The following NPFFR2 variants were observed in gnomAD, a reference collection of about 807,000 sequenced individuals.
NPFFR2 encodes G-protein coupled receptor 74.
A neutral mutation model predicts 13.1 loss-of-function variants in NPFFR2; 15 were observed. The ratio of observed to expected loss-of-function variants is 1.15; its 90% CI spans 0.77 to 1.76. The LOEUF (loss-of-function observed/expected upper bound fraction) is 1.76, where lower values mean the gene tolerates loss of function less well. Among genes scored for constraint, NPFFR2 ranks in the 40% most tolerant of loss-of-function variants. The pLI is 0.00. For synonymous variants in NPFFR2, 190 were observed against 175.7 expected (o/e 1.08, Z -0.65); for missense variants, 572 against 503.5 (o/e 1.14, Z -1.30).
At chr4:72,118,829 A>G (rs1240269883) in intron 1 of NPFFR2, among the ~76,000 whole-genome samples, 1 of 152,192 alleles carries the variant, frequency 6.6e-6, no homozygotes, top group Non-Finnish European at 1.5e-5. Flanking sequence ...ACAGTATAAA[A>G]TGGCATAACA....
At chr4:72,057,406 C>G (rs182496624) in intron 1 of NPFFR2, among the ~76,000 whole-genome samples, 86 of 152,064 alleles carry the variant, frequency 5.7e-4, no homozygotes, top group African/African-American at 2.0e-3. Flanking sequence ...GAAAGATCTC[C>G]GAGAAAATTC....
chr4:72,070,482 G>A (rs183104725), intron 1 of NPFFR2, among the ~76,000 whole-genome samples: 27 of 151,134 alleles, frequency 1.8e-4, no homozygotes, highest in Middle Eastern at 3.4e-3. Flanking sequence ...TCAATAATAC[G>A]GGTGGCATCA....
intron 1 of NPFFR2, among the ~76,000 whole-genome samples, chr4:72,058,899 C>A (rs10937999): frequency 0.89 from 135,587 of 152,046 alleles, 61,555 homozygotes; most frequent in Non-Finnish European, 0.98. Context: ...ACTCAAACTT[C>A]ATAGCTCTAG....
intron 1 of NPFFR2, among the ~76,000 whole-genome samples, chr4:72,066,836 C>T (rs1405065058): frequency 1.3e-5 from 2 of 152,150 alleles, no homozygotes; most frequent in Non-Finnish European, 2.9e-5. Context: ...ACTGAGTGTA[C>T]CCCAAGCAGC....
chr4:72,100,646 T>A (rs1479389399), intron 1 of NPFFR2, among the ~76,000 whole-genome samples: 1 of 152,054 alleles, frequency 6.6e-6, no homozygotes, highest in East Asian at 1.9e-4. Flanking sequence ...AATTTAAAAG[T>A]GTACTTTTCT....
intron 1 of NPFFR2, among the ~76,000 whole-genome samples, chr4:72,099,741 A>G (rs1721184148): frequency 6.6e-6 from 1 of 152,176 alleles, no homozygotes; most frequent in African/African-American, 2.4e-5. Context: ...GATATTTCAA[A>G]GGAACATCCA....
intron 1 of NPFFR2, chr4:72,068,976 G>A (rs561438671): frequency 7.0e-6 from 10 of 1,434,244 alleles, no homozygotes; most frequent in Non-Finnish European, 9.3e-6. Context: ...ACATCAAAAA[G>A]ATTGAATGTC....
intron 3 of NPFFR2, among the ~76,000 whole-genome samples, chr4:72,139,700 C>T (rs1722536347): frequency 1.3e-5 from 2 of 152,166 alleles, no homozygotes; most frequent in African/African-American, 2.4e-5. Context: ...ATGATGCCTA[C>T]AGCTTGGTTC....
At chr4:72,125,587 C>T (rs28372234) in intron 1 of NPFFR2, among the ~76,000 whole-genome samples, 10,732 of 152,202 alleles carry the variant, frequency 0.071, 1,148 homozygotes, top group African/African-American at 0.23. Context: ...GGCAAGGCTG[C>T]GTTTTTTTTC....
intron 1 of NPFFR2, among the ~76,000 whole-genome samples, chr4:72,048,771 A>C (rs1461669127): frequency 6.6e-6 from 1 of 151,806 alleles, no homozygotes; most frequent in Non-Finnish European, 1.5e-5. Context: ...ACTACTTCTC[A>C]GTAAGCATGA....
intron 1 of NPFFR2, among the ~76,000 whole-genome samples, chr4:72,102,576 C>T (rs1326228957): frequency 2.2e-5 from 3 of 134,628 alleles, no homozygotes; most frequent in Non-Finnish European, 3.1e-5. Flanking sequence ...CTTCCTGTGT[C>T]CATGTGTTCT....
Position 72,147,288 on chromosome 4 carries a change from T to G in NPFFR2, c.739T>G (p.Phe247Val). 1 of 1,614,152 alleles carries G rather than the reference T, an allele frequency of 6.2e-7. No homozygotes were observed. Among genetic ancestry groups the G allele is most frequent in the Non-Finnish European group, 8.5e-7 (1 of 1,180,026 alleles). The change falls in exon 4 of 4, where the codon TTC becomes GTC. Residue 247 changes from phenylalanine to valine, a missense_variant. By Grantham distance (50) the Phe-to-Val change is conservative. Transcript: ENST00000308744. ...IMYGRIGISL[F>V]RAAVPHTGRK... ...GTATGGAAGGATTGGAATTTCACTC[T>G]TCAGGGCTGCAGTTCCTCACACAGG...
intron 2 of NPFFR2, among the ~76,000 whole-genome samples, chr4:72,130,634 G>T (rs1375282519): frequency 6.6e-6 from 1 of 152,154 alleles, no homozygotes; most frequent in Non-Finnish European, 1.5e-5. Context: ...TACTCCACCT[G>T]CAACTCTCAA....
In NPFFR2 at chr4:72,146,967, T is replaced by G; in HGVS notation, c.429-11T>G. On this transcript the variant is annotated splice_polypyrimidine_tract_variant and intron_variant, in intron 3 of 3. Coordinates refer to ENST00000308744, the MANE Select transcript of NPFFR2 (RefSeq NM_004885.3). ...AAGCAGTGCCTCATTTATATTTGTGTTTAATTGCAGGTTCCAGTGTGTGGT... is the reference window on the plus strand; with the variant it reads ...AAGCAGTGCCTCATTTATATTTGTGGTTAATTGCAGGTTCCAGTGTGTGGT... 2 of 1,577,310 alleles carry G rather than the reference T, an allele frequency of 1.3e-6. No individual in the cohort carries two copies. Among genetic ancestry groups the G allele is most frequent in the Non-Finnish European group, 1.7e-6 (2 of 1,152,852 alleles).
chr4:72,073,635 T>C (rs1213272265), intron 1 of NPFFR2, among the ~76,000 whole-genome samples: 1 of 152,014 alleles, frequency 6.6e-6, no homozygotes, highest in Non-Finnish European at 1.5e-5. Flanking sequence ...TAAATTAACA[T>C]TTTTTTCTAC....
intron 1 of NPFFR2, among the ~76,000 whole-genome samples, chr4:72,085,188 GC>G (rs1720731475): frequency 6.6e-6 from 1 of 152,070 alleles, no homozygotes; most frequent in South Asian, 2.1e-4. Context: ...ACATTCTTCA[GC>G]CCATATTAGT....
At chr4:72,139,165 G>A (rs891979965) in intron 3 of NPFFR2, among the ~76,000 whole-genome samples, 5 of 152,032 alleles carry the variant, frequency 3.3e-5, no homozygotes, top group African/African-American at 1.2e-4. Context: ...TTAGCCCTTT[G>A]TCAGAAGGGT....
chr4:72,118,490 C>G (rs1220460702), intron 1 of NPFFR2, among the ~76,000 whole-genome samples: 1 of 152,080 alleles, frequency 6.6e-6, no homozygotes, highest in East Asian at 1.9e-4. Flanking sequence ...AATCATGAAT[C>G]TATCTTCCAG....
intron 1 of NPFFR2, among the ~76,000 whole-genome samples, chr4:72,106,970 C>A (rs941831944): frequency 3.3e-5 from 5 of 151,914 alleles, no homozygotes; most frequent in African/African-American, 1.2e-4. Flanking sequence ...TTGATCAATG[C>A]AGCTGCTATA....
Sources: gnomAD v4.1 joint callset for allele counts (sites outside exome capture counted in the v4.1 genomes callset) on GRCh38, gnomAD v4.1.1 for gene constraint, MANE v1.5 for transcripts, NCBI Gene and HGNC (gene_info 2026-07-23, HGNC 2026-07-21) for gene names.